The following KCNQ1 variants were observed in gnomAD, a reference collection of about 807,000 sequenced individuals.
The protein encoded by KCNQ1 is potassium voltage-gated channel subfamily KQT member 1.
In KCNQ1, 49 loss-of-function variants were observed where a neutral mutation model predicts 72.4. The observed-to-expected ratio is 0.68, with a 90% confidence interval of 0.54 to 0.86. The LOEUF (loss-of-function observed/expected upper bound fraction) is 0.86, where lower values mean the gene tolerates loss of function less well. Ranked by LOEUF, KCNQ1 falls within the 40% of genes least tolerant of loss-of-function variation. The probability of loss-of-function intolerance (pLI) is 0.00; values close to 1 mark genes in which losing one functional copy is unlikely to be tolerated. For missense variants in KCNQ1, 790 were observed against 945.1 expected, an observed-to-expected ratio of 0.84 and a Z score of 2.15; for synonymous variants, 450 against 412.6, an observed-to-expected ratio of 1.09 and a Z score of -1.10.
rs140725319 is a variant in KCNQ1 at position 2,787,582 on chromosome 11, C to T, written c.1794+9545C>T. 5.5e-4 allele frequency among the ~76,000 whole-genome samples: 84 copies of T among 152,226 alleles called. 1 individual carries two copies. Among genetic ancestry groups the T allele is most frequent in the African/African-American group, 1.9e-3 (80 of 41,530 alleles). On this transcript the variant is annotated intron_variant, in intron 15 of 15. Coordinates refer to ENST00000155840, the MANE Select transcript of KCNQ1 (RefSeq NM_000218.3). The surrounding 1 kb of genome is among the most constrained non-coding windows in gnomAD (Gnocchi z 6.3). ...TAAAAGAAATAAGTAAAATTGATTA[C>T]AATAATATATTTTATTTAACCCAAT...
rs1846580306 is a variant in KCNQ1 at position 2,477,123 on chromosome 11, G to A, written c.386+31639G>A. Reference sequence around the variant, plus strand: ...GTGGAGACAATCTCAGTATGTGTGAGATGAATCTGAACCCTCATCAGAACG... The same window carrying A: ...GTGGAGACAATCTCAGTATGTGTGAAATGAATCTGAACCCTCATCAGAACG... On this transcript the variant is annotated intron_variant, in intron 1 of 15. Transcript: ENST00000155840. This position sits in a 1 kb window ranked among gnomAD's most constrained non-coding sequence, Gnocchi z 5.0. 1.3e-5 allele frequency among the ~76,000 whole-genome samples: 2 copies of A among 152,230 alleles called. No homozygotes were observed. The highest frequency in any genetic ancestry group is 4.8e-5 in the African/African-American group (2 of 41,466).
chr11:2,461,491 AG>A, intron 1 of KCNQ1: 1 of 1,301,702 alleles, frequency 7.7e-7, no homozygotes, highest in South Asian at 1.2e-5. Flanking sequence ...AGGCCCGGGA[AG>A]GCACTGTCTT....
At chr11:2,524,728 C>T (rs1259527995) in intron 1 of KCNQ1, among the ~76,000 whole-genome samples, 1 of 152,220 alleles carries the variant, frequency 6.6e-6, no homozygotes, top group African/African-American at 2.4e-5. Context: ...TGATTCCCTG[C>T]TGGACGTCAG....
At chr11:2,649,486 C>T (rs1849725165) in intron 10 of KCNQ1, 1 of 398,506 alleles carries the variant, frequency 2.5e-6, no homozygotes. Context: ...AATGAATTCC[C>T]TCAGTTTTTG....
rs1849144869 is a variant in KCNQ1 at position 2,620,216 on chromosome 11, T to TTTA, written c.1393+31364_1393+31365insATT. On this transcript the variant is annotated intron_variant, in intron 10 of 15. Coordinates refer to ENST00000155840, the MANE Select transcript of KCNQ1 (RefSeq NM_000218.3). This position sits in a 1 kb window ranked among gnomAD's most constrained non-coding sequence, Gnocchi z 4.5. ...TCATTCATGTATATATATATATTTT[T>TTTA]TTTTTTTATTTTTTTTTTAGACGGA... The TTTA allele has an allele frequency of 7.2e-6, 2 of 277,726 alleles. No individual in the cohort carries two copies. The highest frequency in any genetic ancestry group is 2.3e-5 in the African/African-American group (1 of 44,306). 17.2% of individuals were successfully genotyped at this position (277,726 alleles called of 1,614,324 possible). A position where few individuals can be genotyped will look rare whatever the true frequency, so the allele number is the denominator to read the frequency against.
Position 2,623,115 on chromosome 11 carries a change from C to A in KCNQ1, c.1393+34261C>A, listed in dbSNP as rs183072368. 5,149 of 398,580 alleles carry A rather than the reference C, an allele frequency of 0.013. 157 individuals carry two copies. The highest frequency in any genetic ancestry group is 0.081 in the East Asian group (2,284 of 28,068). The allele number at this position is 398,580 out of a possible 1,614,324, so 24.7% of individuals were successfully genotyped here. ...GATCTGGTTGTTTAAACGTGTGTGG[C>A]ACTTCCCATCTCACTTTCTTTCCCT... On this transcript the variant is annotated intron_variant, in intron 10 of 15. Transcript: ENST00000155840. The surrounding 1 kb of genome is among the most constrained non-coding windows in gnomAD (Gnocchi z 5.2).
intron 1 of KCNQ1, among the ~76,000 whole-genome samples, chr11:2,513,862 G>A (rs1847247413): frequency 6.6e-6 from 1 of 152,232 alleles, no homozygotes; most frequent in South Asian, 2.1e-4. Flanking sequence ...GCCAGGTGCA[G>A]AAAGAGAATT....
intron 1 of KCNQ1, among the ~76,000 whole-genome samples, chr11:2,514,564 G>A (rs2133621955): frequency 6.6e-6 from 1 of 152,380 alleles, no homozygotes; most frequent in East Asian, 1.9e-4. Flanking sequence ...GGGCGCGGTG[G>A]CTCACGCCTG....
intron 15 of KCNQ1, among the ~76,000 whole-genome samples, chr11:2,837,469 GC>G (rs1848096644): frequency 6.6e-6 from 1 of 152,216 alleles, no homozygotes; most frequent in Non-Finnish European, 1.5e-5. Flanking sequence ...AGACTCCCCG[GC>G]CCCTCCCTGC....
chr11:2,643,743 G>GT (rs1406812113), intron 10 of KCNQ1: 1 of 398,390 alleles, frequency 2.5e-6, no homozygotes, highest in African/African-American at 2.1e-5. Flanking sequence ...ACTTCTTCCT[G>GT]TAAGACTCCC....
chr11:2,465,836 C>T (rs1278602411), intron 1 of KCNQ1, among the ~76,000 whole-genome samples: 2 of 152,220 alleles, frequency 1.3e-5, no homozygotes, highest in Admixed American at 6.5e-5. Context: ...TGGTGGGCTC[C>T]AGCCATGCCT....
At chr11:2,680,413 T>G (rs1338080915) in intron 11 of KCNQ1, 6 of 398,378 alleles carry the variant, frequency 1.5e-5, no homozygotes, top group East Asian at 1.4e-4. Context: ...TTTTAGATCT[T>G]TGTATGGATT....
At chr11:2,561,393 T>G (rs1184292397) in intron 2 of KCNQ1, among the ~76,000 whole-genome samples, 2 of 152,134 alleles carry the variant, frequency 1.3e-5, no homozygotes, top group Non-Finnish European at 2.9e-5. Flanking sequence ...ACCCCACCTG[T>G]ACTCAGGACC....
intron 10 of KCNQ1, chr11:2,656,155 C>G: frequency 2.5e-6 from 1 of 398,616 alleles, no homozygotes; most frequent in African/African-American, 2.1e-5. Flanking sequence ...ACAAGTGATG[C>G]AAACATCAAA....
At position 2,469,330 on chromosome 11, in the gene KCNQ1, C is replaced by A. The variant is rs116895106; in HGVS notation, c.386+23846C>A. Among the ~76,000 whole-genome samples, 1,046 of 151,438 alleles carry A rather than the reference C, an allele frequency of 6.9e-3. 7 individuals carry two copies. The highest frequency in any genetic ancestry group is 0.011 in the Non-Finnish European group (714 of 67,948). On this transcript the variant is annotated intron_variant, in intron 1 of 15. Transcript: ENST00000155840. Reference sequence around the variant, plus strand: ...CGTCTCCCAGGTTGTAGTGTGGTGGCGTGATCTTGCTTGGCTCACTGCAAC... The same window carrying A: ...CGTCTCCCAGGTTGTAGTGTGGTGGAGTGATCTTGCTTGGCTCACTGCAAC...
In KCNQ1 at chr11:2,463,079, G is replaced by A. The variant is rs563472471; in HGVS notation, c.386+17595G>A. 6.6e-6 allele frequency among the ~76,000 whole-genome samples: 1 copy of A among 152,124 alleles called. No individual in the cohort carries two copies. The highest frequency in any genetic ancestry group is 1.9e-4 in the East Asian group (1 of 5,174). The stretch of plus-strand genomic sequence containing the variant: ...TCAGGGGTCCTTCAGGGATATACCT[G>A]CTGTCAGGGTGTGGGGAGTGGGAAG... On this transcript the variant is annotated intron_variant, in intron 1 of 15. Coordinates refer to ENST00000155840, the MANE Select transcript of KCNQ1 (RefSeq NM_000218.3). This position sits in a 1 kb window ranked among gnomAD's most constrained non-coding sequence, Gnocchi z 7.0.
rs1429757956 is a variant in KCNQ1 at position 2,803,493 on chromosome 11, G to T, written c.1794+25456G>T. Reference sequence around the variant, plus strand: ...AGGGGTACCCAGGTGGTGTGATGGGGAGCAGGAGCCAGTTGTTCCCAAACC... The same window carrying T: ...AGGGGTACCCAGGTGGTGTGATGGGTAGCAGGAGCCAGTTGTTCCCAAACC... On this transcript the variant is annotated intron_variant, in intron 15 of 15. Coordinates refer to ENST00000155840, the MANE Select transcript of KCNQ1 (RefSeq NM_000218.3). This position sits in a 1 kb window ranked among gnomAD's most constrained non-coding sequence, Gnocchi z 6.4. Among the ~76,000 whole-genome samples the T allele has an allele frequency of 6.6e-6, 1 of 152,162 alleles. No homozygotes were observed. Among genetic ancestry groups the T allele is most frequent in the Non-Finnish European group, 1.5e-5 (1 of 68,000 alleles).
At chr11:2,688,386 CTGCCATCCTT>C (rs1850528903) in intron 11 of KCNQ1, 2 of 398,654 alleles carry the variant, frequency 5.0e-6, no homozygotes, top group South Asian at 2.5e-4. Flanking sequence ...GTTTCAATAA[CTGCCATCCTT>C]TGCTGATCCT....
chr11:2,521,704 C>T, intron 1 of KCNQ1: 6 of 351,050 alleles, frequency 1.7e-5, no homozygotes, highest in South Asian at 1.3e-4. Flanking sequence ...CTCAGGGTTA[C>T]AAAACGCCCC....
Sources: gnomAD v4.1 joint callset for allele counts (sites outside exome capture counted in the v4.1 genomes callset) on GRCh38, gnomAD v4.1.1 for gene constraint, Gnocchi (gnomAD v3.1) non-coding constraint, MANE v1.5 for transcripts, NCBI Gene and HGNC (gene_info 2026-07-23, HGNC 2026-07-21) for gene names.